Variants in SMTNL2 observed in about 807,000 individuals in gnomAD.
SMTNL2 encodes the protein smoothelin like 2, also known as smoothelin-like protein 2.
SMTNL2 carries 43 observed loss-of-function variants against 44.1 expected under a neutral mutation model. That is an observed-to-expected ratio of 0.98 (90% CI 0.76 to 1.26). The LOEUF (loss-of-function observed/expected upper bound fraction) is 1.26. SMTNL2 is among the 50% of genes most tolerant of loss of function. The pLI, the probability that SMTNL2 is intolerant of heterozygous loss-of-function variation, is 0.00. For synonymous variants in SMTNL2, 317 were observed against 287.6 expected, an observed-to-expected ratio of 1.10 and a Z score of -1.03; for missense variants, 646 against 670.2, an observed-to-expected ratio of 0.96 and a Z score of 0.40.
At chr17:4,603,397 A>G (rs1335940439) in intron 7 of SMTNL2, among the ~76,000 whole-genome samples, 1 of 152,216 alleles carries the variant, frequency 6.6e-6, no homozygotes, top group Non-Finnish European at 1.5e-5. Flanking sequence ...TTATGGGGTC[A>G]GCAGGTAGAA....
rs1195556811 is a variant in SMTNL2, at chr17:4,607,340, G to C, written c.1260-21G>C. ...GGCTGATGGCTGGGACCACCGTTCT[G>C]ACGGGGCTTGTGTGTTTCAGGAATC... On this transcript the variant is annotated intron_variant, in intron 7 of 7. Transcript: ENST00000389313. The surrounding 1 kb of genome is among the most constrained non-coding windows in gnomAD (Gnocchi z 4.7). 1.2e-6 allele frequency: 2 copies of C among 1,613,682 alleles called. No homozygotes were observed. Among genetic ancestry groups the C allele is most frequent in the Admixed American group, 1.7e-5 (1 of 60,000 alleles).
At chr17:4,593,946 T>C in intron 4 of SMTNL2, 49 bp downstream of exon 4, 1 of 1,604,110 alleles carries the variant, frequency 6.2e-7, no homozygotes. Flanking sequence ...CCAGGTGTCT[T>C]CTCTGCTTTG....
intron 7 of SMTNL2, among the ~76,000 whole-genome samples, chr17:4,597,971 C>T (rs573904898): frequency 6.6e-6 from 1 of 152,166 alleles, no homozygotes; most frequent in South Asian, 2.1e-4. Flanking sequence ...AGGGCTCCAG[C>T]GGCGGACGGG....
At position 4,588,666 on chromosome 17, in the gene SMTNL2, C is replaced by T. The variant is rs563620557; in HGVS notation, c.399+3662C>T. Among the ~76,000 whole-genome samples, 11 of 152,338 alleles carry T rather than the reference C, an allele frequency of 7.2e-5. No individual in the cohort carries two copies. In the East Asian group the frequency reaches 2.1e-3, roughly 29 times the overall value. On this transcript the variant is annotated intron_variant, in intron 1 of 7. Transcript: ENST00000389313. Reference sequence around the variant, plus strand: ...GTGAAGGTCCCACTGGGTGGTGACCCCAGTCCCCCGCCTTTTCCTCACACT... The same window carrying T: ...GTGAAGGTCCCACTGGGTGGTGACCTCAGTCCCCCGCCTTTTCCTCACACT...
At chr17:4,597,993 G>A (rs180806619) in intron 7 of SMTNL2, among the ~76,000 whole-genome samples, 2 of 152,304 alleles carry the variant, frequency 1.3e-5, no homozygotes, top group Admixed American at 6.5e-5. Context: ...GCACAGTCAA[G>A]AACTGGGCGA....
intron 7 of SMTNL2, among the ~76,000 whole-genome samples, chr17:4,602,446 C>T (rs931462167): frequency 6.6e-6 from 1 of 151,612 alleles, no homozygotes; most frequent in African/African-American, 2.4e-5. Flanking sequence ...CCTCAGCCTC[C>T]CGAGTAGCTG....
At chr17:4,599,446 T>C (rs1213739855) in intron 7 of SMTNL2, among the ~76,000 whole-genome samples, 1 of 151,980 alleles carries the variant, frequency 6.6e-6, no homozygotes, top group African/African-American at 2.4e-5. Context: ...GGTCAGGGTA[T>C]CGGGGTGGAT....
At chr17:4,594,299 A>T (rs1251972740) in intron 4 of SMTNL2, among the ~76,000 whole-genome samples, 2 of 151,974 alleles carry the variant, frequency 1.3e-5, no homozygotes, top group Non-Finnish European at 2.9e-5. Flanking sequence ...AAATACAAAA[A>T]TTAGCTGGGC....
At chr17:4,591,986 G>A (rs947667856) in intron 1 of SMTNL2, among the ~76,000 whole-genome samples, 4 of 152,222 alleles carry the variant, frequency 2.6e-5, no homozygotes, top group Non-Finnish European at 5.9e-5. Flanking sequence ...TAGCCATGCC[G>A]ACCTGGCCCA....
chr17:4,599,042 G>A (rs951124845), intron 7 of SMTNL2, among the ~76,000 whole-genome samples: 1 of 152,174 alleles, frequency 6.6e-6, no homozygotes. Flanking sequence ...TGTAAGTCTC[G>A]CTTTGACCTG....
At chr17:4,591,246 G>T (rs566422115) in intron 1 of SMTNL2, among the ~76,000 whole-genome samples, 8 of 152,226 alleles carry the variant, frequency 5.3e-5, no homozygotes, top group Non-Finnish European at 1.2e-4. Flanking sequence ...AGCCATCTGG[G>T]GCCAGGGATG....
chr17:4,592,364 T>C lies in SMTNL2; in HGVS notation c.403T>C (p.Leu135=), dbSNP rs761807776. The change falls in exon 2 of 8, where the codon TTG becomes CTG. Residue 135 remains leucine (L), a synonymous_variant. Transcript: ENST00000389313. This position sits in a 1 kb window ranked among gnomAD's most constrained non-coding sequence, Gnocchi z 4.5. ...GGTGACATTTGTGTCTCTGTAGAGT[T>C]TGGATCACGATGAGGCCAGTGAGTC... ...TFSLSGRGQS[L]DHDEASESEM... 3 of 1,613,456 alleles carry C rather than the reference T, an allele frequency of 1.9e-6. No homozygotes were observed. The Admixed American group carries it at 5.0e-5, about 27-fold the overall frequency.
rs1291725070 is a variant in SMTNL2 at position 4,595,646 on chromosome 17, A to G, written c.989+319A>G. On this transcript the variant is annotated intron_variant, in intron 5 of 7. Coordinates refer to ENST00000389313, the MANE Select transcript of SMTNL2 (RefSeq NM_001114974.2). This position sits in a 1 kb window ranked among gnomAD's most constrained non-coding sequence, Gnocchi z 5.1. ...GCCGCCAGGCTGCCCTCACACCCAC[A>G]TTCCCCAGGGGTTGTGGCTCCTCTG... is the stretch of plus-strand genomic sequence containing the variant. 6.6e-6 allele frequency among the ~76,000 whole-genome samples: 1 copy of G among 152,100 alleles called. No homozygotes were observed. Among genetic ancestry groups the G allele is most frequent in the African/African-American group, 2.4e-5 (1 of 41,410 alleles).
chr17:4,592,404 C>A lies in SMTNL2; in HGVS notation c.443C>A (p.Thr148Asn). The A allele has an allele frequency of 6.2e-7, 1 of 1,613,594 alleles. No homozygotes were observed. The highest frequency in any genetic ancestry group is 8.5e-7 in the Non-Finnish European group (1 of 1,179,952). ...DEASESEMRKTSNSCIMENGH... is the reference protein window; with the variant it reads ...DEASESEMRKNSNSCIMENGH... Reference sequence around the variant, plus strand: ...GCCAGTGAGTCGGAGATGAGAAAGACCTCAAACTCCTGCATCATGGAAAAT... The same window carrying A: ...GCCAGTGAGTCGGAGATGAGAAAGAACTCAAACTCCTGCATCATGGAAAAT... Residue 148 changes from threonine (T) to asparagine (N), a missense_variant, in exon 2 of 8, where the codon ACC (threonine) becomes AAC (asparagine). Physicochemically the swap from Thr to Asn is moderately conservative, Grantham distance 65. Coordinates refer to ENST00000389313, the MANE Select transcript of SMTNL2 (RefSeq NM_001114974.2). The surrounding 1 kb of genome is among the most constrained non-coding windows in gnomAD (Gnocchi z 4.5).
chr17:4,604,615 T>C (rs1029291614), intron 7 of SMTNL2, among the ~76,000 whole-genome samples: 1 of 152,138 alleles, frequency 6.6e-6, no homozygotes, highest in Admixed American at 6.5e-5. Flanking sequence ...AAAGACACAT[T>C]GTGGAATCAC....
chr17:4,585,055 CG>C, intron 1 of SMTNL2, 51 bp downstream of exon 1: 1 of 1,288,832 alleles, frequency 7.8e-7, no homozygotes. Flanking sequence ...GGCTCCGAAC[CG>C]GGTGCCGCCC....
chr17:4,584,818 G>T lies in SMTNL2; in HGVS notation c.213G>T (p.Gln71His). 3 of 1,327,490 alleles carry T rather than the reference G, an allele frequency of 2.3e-6. No homozygotes were observed. Among genetic ancestry groups the T allele is most frequent in the South Asian group, 3.8e-5 (2 of 53,202 alleles). 82.2% of individuals were successfully genotyped at this position (1,327,490 alleles called of 1,614,324 possible). Residue 71 changes from glutamine (Q) to histidine (H), a missense_variant, in exon 1 of 8, where the codon CAG becomes CAT. Coordinates refer to ENST00000389313, the MANE Select transcript of SMTNL2 (RefSeq NM_001114974.2). ...TGCAGCGGGACAACCAGCGGCTGCAGGCGCAGCTCGAGCGCCTGACGCGCC... is the reference window on the plus strand; with the variant it reads ...TGCAGCGGGACAACCAGCGGCTGCATGCGCAGCTCGAGCGCCTGACGCGCC... ...ADLQRDNQRL[Q>H]AQLERLTRQV...
At chr17:4,586,745 A>G (rs1247733105) in intron 1 of SMTNL2, among the ~76,000 whole-genome samples, 1 of 152,034 alleles carries the variant, frequency 6.6e-6, no homozygotes, top group East Asian at 1.9e-4. Flanking sequence ...GAGAAAGGAA[A>G]GGTCTGAGCT....
intron 7 of SMTNL2, among the ~76,000 whole-genome samples, chr17:4,602,692 A>G (rs1406967704): frequency 6.6e-6 from 1 of 152,146 alleles, no homozygotes; most frequent in East Asian, 1.9e-4. Flanking sequence ...TCCTGACCTC[A>G]GGTGATCCGT....
Sources: gnomAD v4.1 joint callset for allele counts (sites outside exome capture counted in the v4.1 genomes callset) on GRCh38, gnomAD v4.1.1 for gene constraint, Gnocchi (gnomAD v3.1) non-coding constraint, MANE v1.5 for transcripts, NCBI Gene and HGNC (gene_info 2026-07-23, HGNC 2026-07-21) for gene names.